ANKS1B: variants seen among roughly 807,000 people sequenced by gnomAD.
The protein encoded by ANKS1B is ankyrin repeat and sterile alpha motif domain containing 1B.
A neutral mutation model predicts 148.3 loss-of-function variants in ANKS1B; 36 were observed. The ratio of observed to expected loss-of-function variants is 0.24; its 90% CI spans 0.19 to 0.32. The LOEUF (loss-of-function observed/expected upper bound fraction) is 0.32, where lower values mean the gene tolerates loss of function less well. Among genes scored for constraint, ANKS1B ranks in the 10% least tolerant of loss-of-function variants. ANKS1B has a pLI of 1.00. For missense variants in ANKS1B, 1,157 were observed against 1,542.6 expected (o/e 0.75, Z 4.19); for synonymous variants, 542 against 560.8 (o/e 0.97, Z 0.47).
intron 25 of ANKS1B, among the ~76,000 whole-genome samples, chr12:98,754,304 A>C (rs923252279): frequency 6.6e-6 from 1 of 152,202 alleles, no homozygotes; most frequent in African/African-American, 2.4e-5. Flanking sequence ...GACAGCTCTG[A>C]CCATCACTGC....
chr12:99,512,259 G>A (rs987641526), intron 9 of ANKS1B, among the ~76,000 whole-genome samples: 9 of 151,696 alleles, frequency 5.9e-5, no homozygotes, highest in African/African-American at 1.9e-4. Context: ...ATAAACAGAC[G>A]CTTCTCAAAA....
chr12:99,535,674 C>T (rs1162143870), intron 9 of ANKS1B, among the ~76,000 whole-genome samples: 1 of 152,128 alleles, frequency 6.6e-6, no homozygotes, highest in Non-Finnish European at 1.5e-5. Flanking sequence ...TGAATTTGAA[C>T]ATGCCTTACC....
chr12:98,735,050 C>A (rs1254217196), exon 10 of ANKS1B: 1 of 393,800 alleles, frequency 2.5e-6, no homozygotes, highest in Non-Finnish European at 4.5e-6. Flanking sequence ...GAGTTTGAGT[C>A]CAGCCTGGGT....
intron 9 of ANKS1B, among the ~76,000 whole-genome samples, chr12:99,525,941 T>G (rs34613986): frequency 0.032 from 4,854 of 151,952 alleles, 270 homozygotes; most frequent in African/African-American, 0.11. Flanking sequence ...GGTTAATCTC[T>G]TTAATATATA....
intron 14 of ANKS1B, among the ~76,000 whole-genome samples, chr12:99,237,700 A>C (rs1319690909): frequency 6.6e-6 from 1 of 152,212 alleles, no homozygotes; most frequent in Admixed American, 6.5e-5. Flanking sequence ...TAGTGTATTA[A>C]GTCATCAGAT....
At chr12:99,039,239 G>A (rs2099957414) in intron 17 of ANKS1B, among the ~76,000 whole-genome samples, 1 of 152,216 alleles carries the variant, frequency 6.6e-6, no homozygotes, top group Non-Finnish European at 1.5e-5. Flanking sequence ...GCCAACTGAT[G>A]GCAGCACCCA....
At chr12:98,856,540 G>T (rs2153793418) in intron 17 of ANKS1B, among the ~76,000 whole-genome samples, 1 of 152,336 alleles carries the variant, frequency 6.6e-6, no homozygotes, top group Admixed American at 6.5e-5. Context: ...ACAAACAGAT[G>T]ATTTCATGTG....
At chr12:99,502,316 G>A (rs1212617499) in intron 10 of ANKS1B, among the ~76,000 whole-genome samples, 1 of 152,042 alleles carries the variant, frequency 6.6e-6, no homozygotes, top group African/African-American at 2.4e-5. Context: ...AACTTCCATA[G>A]CCTGGGGTCA....
intron 12 of ANKS1B, among the ~76,000 whole-genome samples, chr12:99,362,819 G>A (rs2092561725): frequency 6.6e-6 from 1 of 151,896 alleles, no homozygotes; most frequent in South Asian, 2.1e-4. Context: ...ACCTCTAAAA[G>A]ATACATTTTA....
intron 9 of ANKS1B, among the ~76,000 whole-genome samples, chr12:99,594,747 G>A (rs533997846): frequency 6.6e-6 from 1 of 152,034 alleles, no homozygotes; most frequent in African/African-American, 2.4e-5. Flanking sequence ...CTATTCAATG[G>A]ATATAAAGTT....
At chr12:98,786,310 G>T (rs2098794263) in intron 22 of ANKS1B, among the ~76,000 whole-genome samples, 1 of 152,186 alleles carries the variant, frequency 6.6e-6, no homozygotes, top group South Asian at 2.1e-4. Flanking sequence ...TTCTCTTTAA[G>T]CACTTGAGTT....
At chr12:99,632,750 TATATATA>T (rs2098178703) in intron 9 of ANKS1B, among the ~76,000 whole-genome samples, 4 of 112,432 alleles carry the variant, frequency 3.6e-5, no homozygotes, top group African/African-American at 1.3e-4. Flanking sequence ...TATATATATA[TATATATA>T]TATATATATA....
chr12:99,050,974 G>A (rs760515638), intron 17 of ANKS1B, among the ~76,000 whole-genome samples: 1 of 151,862 alleles, frequency 6.6e-6, no homozygotes, highest in African/African-American at 2.4e-5. Context: ...TGGGATTACC[G>A]GCGTGAACCA....
intron 17 of ANKS1B, among the ~76,000 whole-genome samples, chr12:98,886,303 C>T (rs760281668): frequency 1.3e-5 from 2 of 152,104 alleles, no homozygotes; most frequent in African/African-American, 2.4e-5. Flanking sequence ...ATAAACAAAT[C>T]AGAACATCAG....
chr12:99,460,790 T>C (rs890800687), intron 10 of ANKS1B, among the ~76,000 whole-genome samples: 6 of 151,948 alleles, frequency 3.9e-5, no homozygotes, highest in African/African-American at 1.4e-4. Context: ...TTTTACATTG[T>C]TGATGGGAAT....
chr12:99,381,635 G>A (rs1427614109), intron 12 of ANKS1B, among the ~76,000 whole-genome samples: 2 of 152,184 alleles, frequency 1.3e-5, no homozygotes, highest in African/African-American at 2.4e-5. Context: ...CAGTTGTGGT[G>A]ACCTAACTGA....
intron 10 of ANKS1B, among the ~76,000 whole-genome samples, chr12:99,496,184 A>G (rs2096602515): frequency 6.6e-6 from 1 of 152,234 alleles, no homozygotes; most frequent in South Asian, 2.1e-4. Context: ...TAGTATACAA[A>G]GCCTGTACTA....
At chr12:99,214,121 C>CA (rs35822288) in intron 14 of ANKS1B, among the ~76,000 whole-genome samples, 19,970 of 144,638 alleles carry the variant, frequency 0.14, 1,482 homozygotes, top group South Asian at 0.26. Flanking sequence ...GCATAAGATT[C>CA]AAAAAAAAAA....
At chr12:99,568,665 A>G (rs1225776355) in intron 9 of ANKS1B, among the ~76,000 whole-genome samples, 1 of 152,234 alleles carries the variant, frequency 6.6e-6, no homozygotes, top group Non-Finnish European at 1.5e-5. Context: ...CAGAGGTGTT[A>G]GATTGAACAA....
Sources: allele counts gnomAD v4.1 joint callset (sites outside exome capture counted in the v4.1 genomes callset), GRCh38; gene constraint gnomAD v4.1.1; transcripts MANE v1.5; gene names NCBI Gene and HGNC (gene_info 2026-07-23, HGNC 2026-07-21).